The following CNIH3 variants were observed in gnomAD, a reference collection of about 807,000 sequenced individuals.
The protein encoded by CNIH3 is cornichon family AMPA receptor auxiliary protein 3.
Under a neutral mutation model 24.1 loss-of-function variants are expected in CNIH3, and 14 were observed. The ratio of observed to expected loss-of-function variants is 0.58; its 90% CI spans 0.38 to 0.91. CNIH3 has a LOEUF of 0.91. Ranked by LOEUF, CNIH3 falls within the 40% of genes least tolerant of loss-of-function variation. The pLI is 0.00. For synonymous variants in CNIH3, 68 were observed against 73.8 expected, an observed-to-expected ratio of 0.92 and a Z score of 0.40; for missense variants, 178 against 196.8, an observed-to-expected ratio of 0.90 and a Z score of 0.57.
At chr1:224,676,172 C>T (rs971828553) in intron 1 of CNIH3, among the ~76,000 whole-genome samples, 5 of 152,156 alleles carry the variant, frequency 3.3e-5, no homozygotes, top group African/African-American at 9.7e-5. Flanking sequence ...GGGAACAAAC[C>T]ATTGATATAG....
At chr1:224,514,114 A>G (rs1025027005), upstream of CNIH3, among the ~76,000 whole-genome samples, 2 of 152,222 alleles carry the variant, frequency 1.3e-5, no homozygotes, top group Non-Finnish European at 1.5e-5. Context: ...CAGCAGCAGA[A>G]ACTGTCATCA....
At chr1:224,501,074 C>T (rs193227077) in intron 1 of CNIH3, among the ~76,000 whole-genome samples, 1 of 152,344 alleles carries the variant, frequency 6.6e-6, no homozygotes, top group African/African-American at 2.4e-5. Context: ...TGTGCCTCTT[C>T]TGTTCTGGAA....
intron 1 of CNIH3, among the ~76,000 whole-genome samples, chr1:224,472,403 G>A (rs1459905021): frequency 6.6e-6 from 1 of 152,094 alleles, no homozygotes; most frequent in Admixed American, 6.6e-5. Context: ...TAATCTATAA[G>A]TGGATAAAGA....
intron 3 of CNIH3, among the ~76,000 whole-genome samples, chr1:224,600,156 A>C (rs1375595602): frequency 2.7e-5 from 4 of 150,934 alleles, no homozygotes; most frequent in African/African-American, 9.8e-5. Flanking sequence ...AGATTATCAG[A>C]TATATTATTT....
intron 1 of CNIH3, among the ~76,000 whole-genome samples, chr1:224,654,823 G>A (rs1685022298): frequency 6.6e-6 from 1 of 152,106 alleles, no homozygotes. Flanking sequence ...ACTTTTCTAG[G>A]CCAAACTAAT....
intron 1 of CNIH3, among the ~76,000 whole-genome samples, chr1:224,621,751 C>T (rs1683290800): frequency 6.6e-6 from 1 of 152,234 alleles, no homozygotes; most frequent in Admixed American, 6.5e-5. Flanking sequence ...ACTCATAGGA[C>T]AAATTCTTGT....
At chr1:224,697,438 C>T (rs1002144116) in intron 3 of CNIH3, among the ~76,000 whole-genome samples, 2 of 152,262 alleles carry the variant, frequency 1.3e-5, no homozygotes, top group Non-Finnish European at 2.9e-5. Flanking sequence ...TTCACTCTCT[C>T]CGTTCTCCAG....
At chr1:224,475,476 A>G (rs1440737475) in intron 1 of CNIH3, among the ~76,000 whole-genome samples, 4 of 152,214 alleles carry the variant, frequency 2.6e-5, no homozygotes, top group African/African-American at 9.6e-5. Context: ...AATAAATTGG[A>G]AAGTCTAGAA....
intron 1 of CNIH3, among the ~76,000 whole-genome samples, chr1:224,648,191 C>T (rs1381553394): frequency 2.0e-5 from 3 of 152,236 alleles, no homozygotes; most frequent in East Asian, 1.9e-4. Context: ...GCGGGTGGAT[C>T]ACCTGAGGTC....
At chr1:224,638,658 G>C (rs1208383792) in intron 1 of CNIH3, among the ~76,000 whole-genome samples, 1 of 152,160 alleles carries the variant, frequency 6.6e-6, no homozygotes, top group Admixed American at 6.5e-5. Flanking sequence ...GTGGGTTCAG[G>C]ACTCTGAATT....
chr1:224,499,006 C>G (rs2124865630), intron 1 of CNIH3, among the ~76,000 whole-genome samples: 1 of 152,302 alleles, frequency 6.6e-6, no homozygotes, highest in East Asian at 1.9e-4. Context: ...GGCTGGGAAC[C>G]CATGCCAGGA....
chr1:224,533,975 G>GGCAAC (rs1679183002), intron 2 of CNIH3, among the ~76,000 whole-genome samples: 1 of 152,134 alleles, frequency 6.6e-6, no homozygotes, highest in Admixed American at 6.5e-5. Context: ...GACTAGCCTG[G>GGCAAC]GCAACATGGT....
chr1:224,596,692 C>G (rs1681994018), intron 3 of CNIH3, among the ~76,000 whole-genome samples: 1 of 152,078 alleles, frequency 6.6e-6, no homozygotes, highest in Non-Finnish European at 1.5e-5. Flanking sequence ...CTCCCAGAAC[C>G]CTTGTTATTT....
intron 1 of CNIH3, among the ~76,000 whole-genome samples, chr1:224,629,517 A>G (rs1348107507): frequency 1.3e-5 from 2 of 152,056 alleles, no homozygotes; most frequent in East Asian, 3.9e-4. Flanking sequence ...CGTTGTATGG[A>G]TAGACTGCAT....
Position 224,616,351 on chromosome 1 carries a change from C to T in CNIH3, c.-824C>T, listed in dbSNP as rs1005525443. On this transcript the variant is annotated 5_prime_UTR_variant, in exon 1 of 6. Coordinates refer to ENST00000272133, the MANE Select transcript of CNIH3 (RefSeq NM_152495.2). ...AAGGCGGCGGCGGCGGCGGCGGCAG[C>T]GGCAGCAGCAGGTGGAGCGAGCTAC... The T allele has an allele frequency of 7.1e-6, 4 of 562,868 alleles. No homozygotes were observed. The highest frequency in any genetic ancestry group is 5.7e-5 in the Admixed American group (1 of 17,630). The allele number at this position is 562,868 out of a possible 1,614,324, so 34.9% of individuals were successfully genotyped here.
intron 1 of CNIH3, among the ~76,000 whole-genome samples, chr1:224,440,886 G>T (rs149458385): frequency 6.6e-6 from 1 of 150,902 alleles, no homozygotes; most frequent in African/African-American, 2.4e-5. Context: ...GCACGATCTC[G>T]GCTCACTGCA....
intron 1 of CNIH3, among the ~76,000 whole-genome samples, chr1:224,676,983 T>C (rs533500885): frequency 6.6e-6 from 1 of 152,348 alleles, no homozygotes; most frequent in African/African-American, 2.4e-5. Flanking sequence ...TTTCTCTGTA[T>C]GTACTTGGAG....
chr1:224,543,776 C>G (rs1337797283), intron 2 of CNIH3, among the ~76,000 whole-genome samples: 2 of 152,172 alleles, frequency 1.3e-5, no homozygotes, highest in African/African-American at 4.8e-5. Context: ...TTTCTTCTGT[C>G]CCTCGCACAC....
intron 1 of CNIH3, chr1:224,435,296 C>T: frequency 1.2e-6 from 1 of 840,076 alleles, no homozygotes; most frequent in Non-Finnish European, 1.4e-6. Context: ...GGTTTCACAA[C>T]CTACTTGTTT....
Sources: gnomAD v4.1 joint callset for allele counts (sites outside exome capture counted in the v4.1 genomes callset) on GRCh38, gnomAD v4.1.1 for gene constraint, MANE v1.5 for transcripts, NCBI Gene and HGNC (gene_info 2026-07-23, HGNC 2026-07-21) for gene names.